The following OXR1 variants were observed in gnomAD, a reference collection of about 807,000 sequenced individuals.
The protein encoded by OXR1 is oxidation resistance 1, also known as oxidation resistance protein 1.
A neutral mutation model predicts 104.6 loss-of-function variants in OXR1; 41 were observed. That is an observed-to-expected ratio of 0.39 (90% CI 0.31 to 0.51). OXR1 has a LOEUF of 0.51. OXR1 is among the 20% of genes least tolerant of loss of function. The pLI, the probability that OXR1 is intolerant of heterozygous loss-of-function variation, is 0.77. For synonymous variants in OXR1, 348 were observed against 348.4 expected (o/e 1.00, Z 0.01); for missense variants, 955 against 1,031.9 (o/e 0.93, Z 1.02).
At chr8:106,607,451 A>G (rs1820485477) in intron 3 of OXR1, among the ~76,000 whole-genome samples, 1 of 152,188 alleles carries the variant, frequency 6.6e-6, no homozygotes, top group Admixed American at 6.5e-5. Flanking sequence ...AGTCCTCTCA[A>G]GTAGCCTTCC....
At chr8:106,352,872 C>G (rs1815793737) in intron 1 of OXR1, among the ~76,000 whole-genome samples, 1 of 152,122 alleles carries the variant, frequency 6.6e-6, no homozygotes, top group Non-Finnish European at 1.5e-5. Flanking sequence ...CAGCGAATAT[C>G]CTTTTGATTT....
intron 13 of OXR1, 89 bp from the exon 14 acceptor site, chr8:106,740,254 A>T: frequency 1.1e-6 from 1 of 886,876 alleles, no homozygotes; most frequent in Non-Finnish European, 1.8e-6. Flanking sequence ...CCTATATTAT[A>T]TAGGCACCAT....
chr8:106,518,993 C>T lies in OXR1; in HGVS notation c.74C>T (p.Pro25Leu), dbSNP rs144243942. The T allele has an allele frequency of 4.5e-6, 7 of 1,551,694 alleles. No individual in the cohort carries two copies. The Admixed American group carries it at 1.4e-4, about 30-fold the overall frequency. ...SVDINAPGFNPLAGAGKQTPQ... is the reference protein window; with the variant it reads ...SVDINAPGFNLLAGAGKQTPQ... The stretch of plus-strand genomic sequence containing the variant: ...GATATTAATGCTCCAGGGTTCAACC[C>T]TTTGGCTGGTGCAGGAAAGCAAACA... Residue 25 changes from proline to leucine, a missense_variant, in exon 3 of 17, where the codon CCT (proline) becomes CTT (leucine). Around this residue, in one of 2 missense-constraint regions of OXR1, gnomAD observed 849 missense variants for 852.9 expected, o/e 1.00. Coordinates refer to ENST00000517566, the MANE Select transcript of OXR1 (RefSeq NM_001198533.2).
intron 2 of OXR1, among the ~76,000 whole-genome samples, chr8:106,508,107 T>C (rs1812287750): frequency 6.6e-6 from 1 of 152,158 alleles, no homozygotes; most frequent in African/African-American, 2.4e-5. Context: ...CCTGTGTCTA[T>C]TTCTCAATTA....
chr8:106,431,193 A>G (rs994153587), intron 2 of OXR1, among the ~76,000 whole-genome samples: 1 of 152,124 alleles, frequency 6.6e-6, no homozygotes, highest in East Asian at 1.9e-4. Flanking sequence ...AGATGATAAC[A>G]TGCAACAGAG....
At position 106,715,387 on chromosome 8, in the gene OXR1, A is replaced by T. The variant is rs1324118532; in HGVS notation, c.1956+1402A>T. On this transcript the variant is annotated intron_variant, in intron 11 of 16. Coordinates refer to ENST00000517566, the MANE Select transcript of OXR1 (RefSeq NM_001198533.2). ...CAGTGGTGGTTACTTGGGTGATTAC[A>T]TATGTAAAATATATATAATATATAT... 2.7e-5 allele frequency among the ~76,000 whole-genome samples: 4 copies of T among 148,796 alleles called. No individual in the cohort carries two copies. In the East Asian group the frequency reaches 7.8e-4, roughly 29 times the overall value.
chr8:106,699,294 G>A (rs1372166521), intron 7 of OXR1, among the ~76,000 whole-genome samples: 2 of 152,172 alleles, frequency 1.3e-5, no homozygotes, highest in African/African-American at 2.4e-5. Flanking sequence ...ATACATGTAG[G>A]TGGTAATCAG....
chr8:106,489,974 G>T (rs141058478), intron 2 of OXR1, among the ~76,000 whole-genome samples: 3 of 152,120 alleles, frequency 2.0e-5, no homozygotes, highest in South Asian at 2.1e-4. Context: ...AGGACAACTG[G>T]CTTAAATTAA....
chr8:106,576,755 C>T (rs1817869797), intron 3 of OXR1, among the ~76,000 whole-genome samples: 1 of 152,018 alleles, frequency 6.6e-6, no homozygotes, highest in African/African-American at 2.4e-5. Flanking sequence ...AAAGAAAATT[C>T]TCAAATTCAG....
chr8:106,677,179 A>G (rs1827680610), intron 3 of OXR1, among the ~76,000 whole-genome samples: 1 of 47,930 alleles, frequency 2.1e-5, no homozygotes, highest in South Asian at 5.7e-4. Flanking sequence ...AGAAGTTTAA[A>G]TTGCAAGTTT....
chr8:106,672,739 G>A (rs1318440378), intron 3 of OXR1, among the ~76,000 whole-genome samples: 4 of 152,106 alleles, frequency 2.6e-5, no homozygotes, highest in South Asian at 2.1e-4. Context: ...CATGGGGGCA[G>A]TTTCCCCCAT....
chr8:106,608,632 T>G (rs555237512), intron 3 of OXR1, among the ~76,000 whole-genome samples: 17 of 152,280 alleles, frequency 1.1e-4, no homozygotes, highest in African/African-American at 4.1e-4. Context: ...AAGTTAGAGC[T>G]CTTGTGGAGG....
At chr8:106,749,105 G>A (rs1380213947) in intron 16 of OXR1, among the ~76,000 whole-genome samples, 1 of 151,960 alleles carries the variant, frequency 6.6e-6, no homozygotes, top group African/African-American at 2.4e-5. Flanking sequence ...CACTTTGGGA[G>A]GCTGAGGCGG....
chr8:106,385,424 G>A (rs1016254955), intron 2 of OXR1, among the ~76,000 whole-genome samples: 4 of 152,106 alleles, frequency 2.6e-5, no homozygotes, highest in African/African-American at 9.7e-5. Context: ...GATCTTAGTT[G>A]AGCTTACGTA....
Position 106,319,244 on chromosome 8 carries a change from A to G in OXR1, c.-138-40232A>G, listed in dbSNP as rs377750579. On this transcript the variant is annotated intron_variant, in intron 1 of 16. Coordinates refer to ENST00000517566, the MANE Select transcript of OXR1 (RefSeq NM_001198533.2). ...CCTTCTGTCTAGCAGATAGCATTGA[A>G]GTGGAGCTTTCCTTAAAGAGGACAG... Among the ~76,000 whole-genome samples the G allele has an allele frequency of 2.0e-5, 3 of 152,206 alleles. No homozygotes were observed. In the East Asian group the frequency reaches 5.8e-4, roughly 29 times the overall value.
At chr8:106,306,527 A>AG (rs1385116446) in intron 1 of OXR1, among the ~76,000 whole-genome samples, 1 of 152,080 alleles carries the variant, frequency 6.6e-6, no homozygotes, top group Non-Finnish European at 1.5e-5. Context: ...AACTAAAAAA[A>AG]AAAAATCCCA....
intron 3 of OXR1, among the ~76,000 whole-genome samples, chr8:106,631,026 C>G (rs765232486): frequency 2.0e-5 from 3 of 152,100 alleles, no homozygotes; most frequent in Non-Finnish European, 4.4e-5. Context: ...AAAATATTGA[C>G]TAAACATGTC....
intron 3 of OXR1, among the ~76,000 whole-genome samples, chr8:106,557,932 A>C (rs1816404862): frequency 6.6e-6 from 1 of 152,236 alleles, no homozygotes; most frequent in Non-Finnish European, 1.5e-5. Flanking sequence ...ATAACTCAGA[A>C]ACTGAATTGA....
intron 3 of OXR1, among the ~76,000 whole-genome samples, chr8:106,621,923 A>C (rs1203641240): frequency 6.6e-6 from 1 of 152,218 alleles, no homozygotes; most frequent in Non-Finnish European, 1.5e-5. Flanking sequence ...TTCCCATTTC[A>C]ATGTATTATT....
Sources: gnomAD v4.1 joint callset for allele counts (sites outside exome capture counted in the v4.1 genomes callset) on GRCh38, gnomAD v4.1.1 for gene constraint, gnomAD v4.1.1 regional missense constraint, MANE v1.5 for transcripts, NCBI Gene and HGNC (gene_info 2026-07-23, HGNC 2026-07-21) for gene names.